The following HPSE2 variants were observed in gnomAD, a reference collection of about 807,000 sequenced individuals.
HPSE2 encodes the protein inactive heparanase-2.
HPSE2 carries 38 observed loss-of-function variants against 60.5 expected under a neutral mutation model. The ratio of observed to expected loss-of-function variants is 0.63; its 90% CI spans 0.48 to 0.82. The LOEUF (loss-of-function observed/expected upper bound fraction) is 0.82. Among genes scored for constraint, HPSE2 ranks in the 40% least tolerant of loss-of-function variants. HPSE2 has a pLI of 0.00. For synonymous variants in HPSE2, 295 were observed against 293.2 expected (o/e 1.01, Z -0.06); for missense variants, 713 against 740.4 (o/e 0.96, Z 0.43).
At chr10:98,509,689 A>G (rs1942322724) in intron 9 of HPSE2, among the ~76,000 whole-genome samples, 1 of 151,930 alleles carries the variant, frequency 6.6e-6, no homozygotes, top group Admixed American at 6.6e-5. Context: ...TTTAGTAGAG[A>G]TGGGGTTTCA....
intron 2 of HPSE2, among the ~76,000 whole-genome samples, chr10:99,181,795 T>C (rs544533558): frequency 6.6e-6 from 1 of 152,020 alleles, no homozygotes; most frequent in South Asian, 2.1e-4. Flanking sequence ...GGTTGATGGG[T>C]GCAGCAAACC....
At chr10:99,027,387 C>T (rs939233859) in intron 3 of HPSE2, among the ~76,000 whole-genome samples, 1 of 151,726 alleles carries the variant, frequency 6.6e-6, no homozygotes, top group Admixed American at 6.6e-5. Flanking sequence ...AATTCCTAGA[C>T]ACAACCTACC....
intron 3 of HPSE2, among the ~76,000 whole-genome samples, chr10:98,873,232 G>C (rs1231759614): frequency 6.6e-6 from 1 of 151,908 alleles, no homozygotes; most frequent in South Asian, 2.1e-4. Flanking sequence ...ATTTGTATTT[G>C]TTTATTTTTA....
intron 3 of HPSE2, among the ~76,000 whole-genome samples, chr10:98,978,065 T>C (rs1038693752): frequency 4.6e-5 from 7 of 152,036 alleles, no homozygotes; most frequent in Admixed American, 3.9e-4. Flanking sequence ...CAAATCCACA[T>C]AGCTAGTACA....
intron 3 of HPSE2, among the ~76,000 whole-genome samples, chr10:99,142,771 G>T (rs1845907103): frequency 6.6e-6 from 1 of 152,158 alleles, no homozygotes; most frequent in Non-Finnish European, 1.5e-5. Context: ...TGTTTTCAAA[G>T]ATAATATGCC....
At chr10:99,163,625 C>T (rs1175551070) in intron 2 of HPSE2, among the ~76,000 whole-genome samples, 1 of 152,154 alleles carries the variant, frequency 6.6e-6, no homozygotes, top group Non-Finnish European at 1.5e-5. Context: ...TAATTAGGTG[C>T]ATACTTTATT....
At chr10:98,724,971 G>A (rs1404135679) in intron 4 of HPSE2, among the ~76,000 whole-genome samples, 1 of 152,064 alleles carries the variant, frequency 6.6e-6, no homozygotes, top group African/African-American at 2.4e-5. Context: ...ACAAACCACT[G>A]CTCAATGAAA....
the HPSE2 span, among the ~76,000 whole-genome samples, chr10:99,247,124 A>G: frequency 6.6e-6 from 1 of 152,360 alleles, no homozygotes; most frequent in African/African-American, 2.4e-5. Context: ...ACACACAAGC[A>G]TACACACATA....
At chr10:98,498,010 T>G (rs1453250066) in intron 9 of HPSE2, among the ~76,000 whole-genome samples, 1 of 152,222 alleles carries the variant, frequency 6.6e-6, no homozygotes, top group Non-Finnish European at 1.5e-5. Context: ...AGAGCACTTT[T>G]GATCCGAAAG....
chr10:99,188,095 G>A (rs1848094005), intron 2 of HPSE2, among the ~76,000 whole-genome samples: 1 of 152,124 alleles, frequency 6.6e-6, no homozygotes, highest in South Asian at 2.1e-4. Context: ...TGATACCCAC[G>A]ATGGGTCCTC....
In HPSE2 at chr10:98,983,609, G is replaced by A. The variant is rs189395792; in HGVS notation, c.610+160629C>T. On this transcript the variant is annotated intron_variant, in intron 3 of 11. Coordinates refer to ENST00000370552, the MANE Select transcript of HPSE2 (RefSeq NM_021828.5). ...TACCTGGCTTATTCACAAATGGGTC[G>A]TGGGTCCATTCCTTCCCAGGTTGGG... 6.6e-3 allele frequency among the ~76,000 whole-genome samples: 1,004 copies of A among 152,336 alleles called. 6 individuals are homozygous for A. The highest frequency in any genetic ancestry group is 0.018 in the Admixed American group (277 of 15,294).
intron 4 of HPSE2, among the ~76,000 whole-genome samples, chr10:98,742,284 G>A (rs972018910): frequency 7.2e-5 from 11 of 152,126 alleles, no homozygotes; most frequent in Admixed American, 5.2e-4. Context: ...TGAGGGCTAC[G>A]TTCCAGTTAG....
At chr10:98,475,510 T>A (rs1291394083) in intron 11 of HPSE2, among the ~76,000 whole-genome samples, 1 of 152,146 alleles carries the variant, frequency 6.6e-6, no homozygotes, top group Non-Finnish European at 1.5e-5. Flanking sequence ...GTAGGATCAA[T>A]AGAACTGGTG....
At chr10:99,127,583 T>C (rs550919121) in intron 3 of HPSE2, among the ~76,000 whole-genome samples, 71 of 152,316 alleles carry the variant, frequency 4.7e-4, no homozygotes, top group South Asian at 1.0e-3. Flanking sequence ...GAGGGACTAA[T>C]TGGAGAAAAC....
intron 2 of HPSE2, among the ~76,000 whole-genome samples, chr10:99,178,342 G>C (rs1454937603): frequency 6.6e-6 from 1 of 151,696 alleles, no homozygotes; most frequent in Non-Finnish European, 1.5e-5. Context: ...CTGGTTTTTT[G>C]AAAAGATTAA....
At chr10:99,290,819 A>C in the HPSE2 span, among the ~76,000 whole-genome samples, 10 of 152,176 alleles carry the variant, frequency 6.6e-5, no homozygotes, top group Admixed American at 4.6e-4. Context: ...ACCTTAGGTG[A>C]CCCAGACAAA....
chr10:98,890,059 T>A (rs188130279), intron 3 of HPSE2, among the ~76,000 whole-genome samples: 1 of 152,308 alleles, frequency 6.6e-6, no homozygotes, highest in East Asian at 1.9e-4. Flanking sequence ...TTAGTTAAGT[T>A]GTTTAACATA....
At chr10:98,983,697 C>T (rs1461257012) in intron 3 of HPSE2, among the ~76,000 whole-genome samples, 2 of 152,184 alleles carry the variant, frequency 1.3e-5, no homozygotes, top group African/African-American at 2.4e-5. Context: ...GGCAAGGCAT[C>T]GCCTCACCCG....
At chr10:99,215,881 G>T (rs188345190) in intron 2 of HPSE2, among the ~76,000 whole-genome samples, 3 of 152,198 alleles carry the variant, frequency 2.0e-5, no homozygotes, top group Non-Finnish European at 4.4e-5. Flanking sequence ...ATTTTAAATG[G>T]TATGTGCATT....
Sources: gnomAD v4.1 joint callset for allele counts (sites outside exome capture counted in the v4.1 genomes callset) on GRCh38, gnomAD v4.1.1 for gene constraint, MANE v1.5 for transcripts, NCBI Gene and HGNC (gene_info 2026-07-23, HGNC 2026-07-21) for gene names.